The following RARB variants were observed in gnomAD, a reference collection of about 807,000 sequenced individuals.
RARB encodes the protein HBV-activated protein.
In RARB, 17 loss-of-function variants were observed where a neutral mutation model predicts 51.9. The ratio of observed to expected loss-of-function variants is 0.33; its 90% CI spans 0.22 to 0.49. The LOEUF (loss-of-function observed/expected upper bound fraction) is 0.49, where lower values mean the gene tolerates loss of function less well. Among genes scored for constraint, RARB ranks in the 20% least tolerant of loss-of-function variants. RARB has a pLI of 0.99. For synonymous variants in RARB, 215 were observed against 195.4 expected, an observed-to-expected ratio of 1.10 and a Z score of -0.84; for missense variants, 369 against 550.8, an observed-to-expected ratio of 0.67 and a Z score of 3.30.
chr3:25,059,474 A>G (rs1698505217), intron 2 of RARB, among the ~76,000 whole-genome samples: 1 of 151,792 alleles, frequency 6.6e-6, no homozygotes, highest in African/African-American at 2.4e-5. Context: ...TTTTATTTTT[A>G]ACTTCTGTCA....
intron 5 of RARB, among the ~76,000 whole-genome samples, chr3:25,214,631 C>T (rs1355479212): frequency 6.6e-6 from 1 of 152,184 alleles, no homozygotes; most frequent in Non-Finnish European, 1.5e-5. Context: ...TGAAATGCCC[C>T]TGAAGGGACT....
At chr3:25,528,684 C>CTT (rs1171987996) in intron 3 of RARB, among the ~76,000 whole-genome samples, 1 of 152,008 alleles carries the variant, frequency 6.6e-6, no homozygotes, top group Non-Finnish European at 1.5e-5. Context: ...TCTCAAGGGG[C>CTT]TTCCATGTTC....
chr3:25,569,706 G>A, intron 3 of RARB, 52 bp from the exon 4 acceptor site: 2 of 1,574,350 alleles, frequency 1.3e-6, no homozygotes, highest in South Asian at 1.2e-5. Flanking sequence ...CAGCTCAGGA[G>A]CACAGGCCCA....
chr3:25,425,062 C>A (rs1262270360), upstream of RARB, among the ~76,000 whole-genome samples: 1 of 152,186 alleles, frequency 6.6e-6, no homozygotes, highest in African/African-American at 2.4e-5. Context: ...GTTGGAAATA[C>A]ATTTATTAGA....
chr3:24,931,841 GAGTT>G (rs1038884635), intron 2 of RARB, among the ~76,000 whole-genome samples: 8 of 152,218 alleles, frequency 5.3e-5, no homozygotes, highest in African/African-American at 1.9e-4. Flanking sequence ...TGTAGAATGA[GAGTT>G]AGGTAGTTAT....
At chr3:24,973,480 A>AT (rs1402848256) in intron 2 of RARB, among the ~76,000 whole-genome samples, 4 of 151,950 alleles carry the variant, frequency 2.6e-5, no homozygotes, top group African/African-American at 9.6e-5. Flanking sequence ...AAATTTTAGA[A>AT]TTTTTTTGTT....
chr3:25,558,668 C>T (rs2125676254), intron 3 of RARB, among the ~76,000 whole-genome samples: 2 of 152,058 alleles, frequency 1.3e-5, no homozygotes, highest in Middle Eastern at 6.8e-3. Flanking sequence ...ATCCACAATG[C>T]CATTGCTCTG....
intron 5 of RARB, among the ~76,000 whole-genome samples, chr3:25,220,720 G>C (rs1004463326): frequency 2.0e-5 from 3 of 152,130 alleles, no homozygotes; most frequent in African/African-American, 7.2e-5. Context: ...GGCCTCCCAA[G>C]CCATACAGAA....
At chr3:25,433,408 G>A (rs139040929) in intron 1 of RARB, among the ~76,000 whole-genome samples, 29 of 152,312 alleles carry the variant, frequency 1.9e-4, no homozygotes, top group Non-Finnish European at 3.2e-4. Context: ...TCATTCTTAT[G>A]AACATGAATT....
chr3:25,234,120 AT>A (rs1310411029), intron 5 of RARB, among the ~76,000 whole-genome samples: 3 of 152,110 alleles, frequency 2.0e-5, no homozygotes, highest in Admixed American at 6.5e-5. Context: ...TCTGAATGAG[AT>A]TATGTGGAAT....
At chr3:25,314,049 T>C (rs1704354586) in intron 5 of RARB, among the ~76,000 whole-genome samples, 1 of 152,008 alleles carries the variant, frequency 6.6e-6, no homozygotes, top group Admixed American at 6.6e-5. Flanking sequence ...CCAGCCTGGG[T>C]GACAGAGCCA....
intron 2 of RARB, among the ~76,000 whole-genome samples, chr3:24,968,030 C>A (rs1477705957): frequency 6.6e-6 from 1 of 152,102 alleles, no homozygotes; most frequent in African/African-American, 2.4e-5. Flanking sequence ...CTCTTTGGAG[C>A]TTTGGTGTCT....
chr3:25,025,455 A>T (rs1697726829), intron 2 of RARB, among the ~76,000 whole-genome samples: 1 of 152,160 alleles, frequency 6.6e-6, no homozygotes, highest in Non-Finnish European at 1.5e-5. Flanking sequence ...TGCAATCTTG[A>T]CCCAGATGAT....
chr3:24,862,899 A>T (rs1702780796), intron 2 of RARB, among the ~76,000 whole-genome samples: 1 of 152,122 alleles, frequency 6.6e-6, no homozygotes, highest in Non-Finnish European at 1.5e-5. Context: ...AGTTACATAG[A>T]CTCACAGAGG....
chr3:25,556,016 T>TC (rs1700044079), intron 3 of RARB, among the ~76,000 whole-genome samples: 1 of 151,756 alleles, frequency 6.6e-6, no homozygotes, highest in South Asian at 2.1e-4. Flanking sequence ...TATTTTTTTT[T>TC]TTGACCCCTT....
intron 2 of RARB, among the ~76,000 whole-genome samples, chr3:24,897,530 T>G (rs1308511010): frequency 6.6e-6 from 1 of 152,150 alleles, no homozygotes; most frequent in Non-Finnish European, 1.5e-5. Flanking sequence ...CTGTAAACTA[T>G]AAAAGTATAG....
chr3:25,041,368 C>A (rs528619620), intron 2 of RARB, among the ~76,000 whole-genome samples: 1 of 152,054 alleles, frequency 6.6e-6, no homozygotes, highest in South Asian at 2.1e-4. Flanking sequence ...ATATTCGAAT[C>A]CATCTTTAAG....
At chr3:24,929,155 T>G (rs1695389215) in intron 2 of RARB, among the ~76,000 whole-genome samples, 1 of 152,116 alleles carries the variant, frequency 6.6e-6, no homozygotes, top group African/African-American at 2.4e-5. Flanking sequence ...TATATTTAAT[T>G]AGTAAACAAA....
chr3:25,585,174 C>A (rs1201074130), intron 5 of RARB, among the ~76,000 whole-genome samples: 2 of 152,144 alleles, frequency 1.3e-5, no homozygotes, highest in Non-Finnish European at 2.9e-5. Flanking sequence ...TCCTTTCAGG[C>A]TCTAGAAAGC....
Sources: allele counts gnomAD v4.1 joint callset (sites outside exome capture counted in the v4.1 genomes callset), GRCh38; gene constraint gnomAD v4.1.1; transcripts MANE v1.5; gene names NCBI Gene and HGNC (gene_info 2026-07-23, HGNC 2026-07-21).